The following CBR4 variants were observed in gnomAD, a reference collection of about 807,000 sequenced individuals.
CBR4 encodes 3-oxoacyl-[acyl-carrier-protein] reductase.
CBR4 carries 22 observed loss-of-function variants against 21.0 expected under a neutral mutation model. The observed-to-expected ratio is 1.05, with a 90% CI of 0.75 to 1.50. The LOEUF (loss-of-function observed/expected upper bound fraction) is 1.50. Among genes scored for constraint, CBR4 ranks in the 40% most tolerant of loss-of-function variants. The probability of loss-of-function intolerance (pLI) is 0.00; values close to 1 mark genes in which losing one functional copy is unlikely to be tolerated. For missense variants in CBR4, 302 were observed against 286.3 expected (o/e 1.05, Z -0.40); for synonymous variants, 100 against 104.4 (o/e 0.96, Z 0.26).
chr4:168,904,330 A>G, intron 2 of CBR4: 1 of 181,020 alleles, frequency 5.5e-6, no homozygotes, highest in Non-Finnish European at 1.2e-5. Flanking sequence ...AAAATATTTT[A>G]AAAGAAACAC....
chr4:168,982,522 A>G (rs1412243305), intron 2 of CBR4, among the ~76,000 whole-genome samples: 1 of 152,162 alleles, frequency 6.6e-6, no homozygotes, highest in Non-Finnish European at 1.5e-5. Flanking sequence ...GAGGCAGAAT[A>G]CTAACAAAGA....
chr4:169,008,557 C>A (rs1355565814), intron 1 of CBR4, among the ~76,000 whole-genome samples: 1 of 152,126 alleles, frequency 6.6e-6, no homozygotes, highest in Non-Finnish European at 1.5e-5. Context: ...AAACAGTAAG[C>A]GACCCGGGGA....
chr4:168,901,804 G>C (rs1055183047), intron 2 of CBR4, among the ~76,000 whole-genome samples: 1 of 152,146 alleles, frequency 6.6e-6, no homozygotes, highest in African/African-American at 2.4e-5. Context: ...ATTGCAGTGA[G>C]CCAAGATCAC....
At chr4:168,910,921 A>G (rs1316109630) in intron 2 of CBR4, among the ~76,000 whole-genome samples, 3 of 152,206 alleles carry the variant, frequency 2.0e-5, no homozygotes, top group Admixed American at 6.5e-5. Flanking sequence ...GTATATTCAC[A>G]TGGAAATTCT....
rs370888266 is a variant in CBR4, at chr4:168,932,393, C to CA, written n.170-37629dup. 6.1e-3 allele frequency among the ~76,000 whole-genome samples: 852 copies of CA among 138,650 alleles called. 2 individuals are homozygous for CA. The highest frequency in any genetic ancestry group is 0.011 in the Middle Eastern group (3 of 278). The allele number at this position is 138,650 out of a possible 152,430, so 91.0% of individuals were successfully genotyped here. A position where few individuals can be genotyped will look rare whatever the true frequency, so the allele number is the denominator to read the frequency against. On this transcript the variant is annotated intron_variant and non_coding_transcript_variant, in intron 2 of 3. Coordinates refer to the CBR4 transcript ENST00000509108. ...GGCCTTTTGAAATAACTCATGCAGA[C>CA]AAAAAAAAAAGAATAAAGAAAGCCT...
intron 3 of CBR4, 42 bp downstream of exon 3, chr4:169,006,713 G>A (rs1730935977): frequency 6.5e-7 from 1 of 1,533,850 alleles, no homozygotes; most frequent in African/African-American, 1.4e-5. Flanking sequence ...TTATGGTATG[G>A]TATTATGGGA....
chr4:168,981,980 T>A (rs1209142550), intron 2 of CBR4, among the ~76,000 whole-genome samples: 1 of 152,154 alleles, frequency 6.6e-6, no homozygotes, highest in African/African-American at 2.4e-5. Context: ...CACACTCTAT[T>A]AACACTATAA....
chr4:168,921,815 TACTAACCAATAC>T (rs1761565241), intron 2 of CBR4: 2 of 1,132,128 alleles, frequency 1.8e-6, no homozygotes, highest in African/African-American at 3.1e-5. Flanking sequence ...AATTCTACAT[TACTAACCAATAC>T]GGAAAATAAA....
Position 168,989,508 on chromosome 4 carries a change from T to TA in CBR4, c.*641dup. On this transcript the variant is annotated 3_prime_UTR_variant, in exon 5 of 5. Coordinates refer to ENST00000306193, the MANE Select transcript of CBR4 (RefSeq NM_032783.5). The stretch of plus-strand genomic sequence containing the variant: ...TGAATACTATGTTTTGCAACCTGTA[T>TA]AAAAACTGATCACCCAAGCACATGC... The TA allele has an allele frequency of 2.0e-6, 2 of 985,396 alleles. No homozygotes were observed. The highest frequency in any genetic ancestry group is 2.4e-6 in the Non-Finnish European group (2 of 829,900). The allele number at this position is 985,396 out of a possible 1,614,324, so 61.0% of individuals were successfully genotyped here. A position where few individuals can be genotyped will look rare whatever the true frequency, so the allele number is the denominator to read the frequency against.
At chr4:168,985,594 G>A (rs771615625), downstream of CBR4, among the ~76,000 whole-genome samples, 2 of 151,910 alleles carry the variant, frequency 1.3e-5, no homozygotes, top group Non-Finnish European at 2.9e-5. Flanking sequence ...CCCTCATTGC[G>A]GCACTGTTCA....
At position 168,988,692 on chromosome 4, in the gene CBR4, A is replaced by G; in HGVS notation, c.*1458T>C. 1.0e-6 allele frequency: 1 copy of G among 978,970 alleles called. No individual in the cohort carries two copies. Among genetic ancestry groups the G allele is most frequent in the Non-Finnish European group, 1.2e-6 (1 of 824,022 alleles). The allele number at this position is 978,970 out of a possible 1,614,324, so 60.6% of individuals were successfully genotyped here. On this transcript the variant is annotated 3_prime_UTR_variant, in exon 5 of 5. Transcript: ENST00000306193. ...CTTGCATTTAATAGACAATTTGTTTAATGATACTAACTTTACTCACACTTA... is the reference window on the plus strand; with the variant it reads ...CTTGCATTTAATAGACAATTTGTTTGATGATACTAACTTTACTCACACTTA...
intron 2 of CBR4, among the ~76,000 whole-genome samples, chr4:168,973,131 A>G (rs1764262131): frequency 6.6e-6 from 1 of 152,148 alleles, no homozygotes; most frequent in Admixed American, 6.5e-5. Context: ...AATACACTTG[A>G]TCATGGTGCA....
chr4:168,974,675 T>G (rs1297458388), intron 2 of CBR4, among the ~76,000 whole-genome samples: 1 of 152,144 alleles, frequency 6.6e-6, no homozygotes, highest in East Asian at 1.9e-4. Context: ...TATGTTTTCT[T>G]CTATTTGTGC....
At chr4:168,948,849 C>G (rs1763464987) in intron 2 of CBR4, among the ~76,000 whole-genome samples, 1 of 152,062 alleles carries the variant, frequency 6.6e-6, no homozygotes, top group Non-Finnish European at 1.5e-5. Context: ...GCTATGTGGG[C>G]AATTTTTTGG....
At chr4:168,927,961 G>A (rs182262982) in intron 2 of CBR4, 4 of 196,212 alleles carry the variant, frequency 2.0e-5, no homozygotes, top group East Asian at 8.1e-5. Context: ...CAATTCATAC[G>A]TAGTATTTTT....
At chr4:168,943,503 G>A (rs1763318428) in intron 2 of CBR4, among the ~76,000 whole-genome samples, 1 of 152,194 alleles carries the variant, frequency 6.6e-6, no homozygotes, top group Non-Finnish European at 1.5e-5. Flanking sequence ...GTTGAGCAGA[G>A]CTCTAAAAGG....
At chr4:168,910,640 C>T (rs769519865) in intron 2 of CBR4, among the ~76,000 whole-genome samples, 7 of 152,104 alleles carry the variant, frequency 4.6e-5, no homozygotes, top group Non-Finnish European at 7.4e-5. Flanking sequence ...GTATTAATGC[C>T]TTTAATCTTC....
chr4:168,934,156 C>G (rs879257843), intron 2 of CBR4, among the ~76,000 whole-genome samples: 5 of 151,434 alleles, frequency 3.3e-5, no homozygotes, highest in Admixed American at 6.6e-5. Context: ...TCAGAAGGCT[C>G]GGGCCAGGTT....
chr4:168,940,815 CTT>C (rs1373972833), intron 2 of CBR4, among the ~76,000 whole-genome samples: 30 of 152,198 alleles, frequency 2.0e-4, no homozygotes, highest in Admixed American at 1.9e-3. Context: ...AATAGGAACA[CTT>C]TTACACTGTT....
Sources: allele counts gnomAD v4.1 joint callset (sites outside exome capture counted in the v4.1 genomes callset), GRCh38; gene constraint gnomAD v4.1.1; transcripts MANE v1.5; gene names NCBI Gene and HGNC (gene_info 2026-07-23, HGNC 2026-07-21).